Variants in LARGE1 observed in about 807,000 individuals in gnomAD.
LARGE1 encodes the protein xylosyl- and glucuronyltransferase LARGE1.
Under a neutral mutation model 87.6 loss-of-function variants are expected in LARGE1, and 43 were observed. The ratio of observed to expected loss-of-function variants is 0.49; its 90% CI spans 0.38 to 0.63. The LOEUF (loss-of-function observed/expected upper bound fraction) is 0.63, where lower values mean the gene tolerates loss of function less well. LARGE1 is among the 30% of genes least tolerant of loss of function. LARGE1 has a pLI of 0.00. For missense variants in LARGE1, 802 were observed against 1,000.2 expected, an observed-to-expected ratio of 0.80 and a Z score of 2.67; for synonymous variants, 434 against 394.6, an observed-to-expected ratio of 1.10 and a Z score of -1.18.
chr22:33,630,876 G>A (rs1360545832), intron 3 of LARGE1, among the ~76,000 whole-genome samples: 5 of 147,696 alleles, frequency 3.4e-5, no homozygotes, highest in African/African-American at 1.2e-4. Flanking sequence ...TTTTTGAGAC[G>A]GAGTCTCACT....
chr22:33,522,533 TA>T (rs367689982), intron 6 of LARGE1, among the ~76,000 whole-genome samples: 2,011 of 151,612 alleles, frequency 0.013, 49 homozygotes, highest in African/African-American at 0.047. Flanking sequence ...ACTTTGTCTC[TA>T]AAAAAAATAC....
intron 11 of LARGE1, among the ~76,000 whole-genome samples, chr22:33,180,394 T>A (rs1391185143): frequency 6.6e-6 from 1 of 152,150 alleles, no homozygotes; most frequent in Non-Finnish European, 1.5e-5. Context: ...CCCACAAGAA[T>A]GGTTATGATT....
chr22:33,637,863 T>G (rs1423568510), intron 3 of LARGE1, among the ~76,000 whole-genome samples: 1 of 152,202 alleles, frequency 6.6e-6, no homozygotes, highest in Admixed American at 6.5e-5. Context: ...TAATAAATGC[T>G]TGACATTTTA....
the LARGE1 span, among the ~76,000 whole-genome samples, chr22:33,146,249 G>A: frequency 2.6e-5 from 4 of 152,176 alleles, no homozygotes; most frequent in Admixed American, 2.6e-4. Flanking sequence ...AGAAGTGAGA[G>A]AATTTCTAAG....
chr22:33,542,133 G>A (rs2077229191), intron 6 of LARGE1, among the ~76,000 whole-genome samples: 1 of 129,188 alleles, frequency 7.7e-6, no homozygotes, highest in African/African-American at 3.0e-5. Flanking sequence ...CTGCACTCCA[G>A]CCTGAGCAAC....
At chr22:33,921,219 A>G (rs1195747210), upstream of LARGE1, among the ~76,000 whole-genome samples, 3 of 152,004 alleles carry the variant, frequency 2.0e-5, no homozygotes, top group Non-Finnish European at 4.4e-5. This position sits in a 1 kb window ranked among gnomAD's most constrained non-coding sequence, Gnocchi z 4.1. Context: ...GTGCTTCTTC[A>G]GCTCGCTGGC....
chr22:33,815,310 G>A (rs1270581405), intron 1 of LARGE1, among the ~76,000 whole-genome samples: 1 of 152,158 alleles, frequency 6.6e-6, no homozygotes, highest in African/African-American at 2.4e-5. Flanking sequence ...CTCACAGTCT[G>A]CACCCTTATC....
At chr22:33,568,440 A>G (rs570363838) in intron 5 of LARGE1, among the ~76,000 whole-genome samples, 1 of 152,324 alleles carries the variant, frequency 6.6e-6, no homozygotes, top group South Asian at 2.1e-4. Flanking sequence ...AGTTAACACA[A>G]GGGCAAATTA....
chr22:33,537,561 G>T lies in LARGE1; in HGVS notation c.787+27287C>A, dbSNP rs185030922. Reference sequence around the variant, plus strand: ...ATGTAAAGTCCCTTTTGCTATACAGGGTTTATTTGTTTATTTGTTTTTTTA... The same window carrying T: ...ATGTAAAGTCCCTTTTGCTATACAGTGTTTATTTGTTTATTTGTTTTTTTA... On this transcript the variant is annotated intron_variant, in intron 6 of 14. Coordinates refer to ENST00000397394, the MANE Select transcript of LARGE1 (RefSeq NM_133642.5). Among the ~76,000 whole-genome samples, 7 of 152,056 alleles carry T rather than the reference G, an allele frequency of 4.6e-5. No individual in the cohort carries two copies. The East Asian group carries it at 1.2e-3, about 25-fold the overall frequency.
At chr22:33,448,016 T>C (rs763057402) in intron 6 of LARGE1, among the ~76,000 whole-genome samples, 1 of 151,610 alleles carries the variant, frequency 6.6e-6, no homozygotes, top group South Asian at 2.1e-4. Context: ...TCAGTATATA[T>C]CACATTTCAC....
At chr22:33,821,602 C>T (rs977326067) in intron 1 of LARGE1, among the ~76,000 whole-genome samples, 7 of 152,116 alleles carry the variant, frequency 4.6e-5, no homozygotes, top group South Asian at 4.1e-4. Context: ...AAGAGCATGC[C>T]GAGAAGGGGA....
At chr22:33,506,236 A>C (rs779086772) in intron 6 of LARGE1, among the ~76,000 whole-genome samples, 4 of 152,166 alleles carry the variant, frequency 2.6e-5, no homozygotes, top group Admixed American at 6.5e-5. Flanking sequence ...AGAGAAAGAT[A>C]CATTCTTCTC....
At chr22:33,610,365 C>T (rs1039463424) in intron 4 of LARGE1, among the ~76,000 whole-genome samples, 2 of 152,174 alleles carry the variant, frequency 1.3e-5, no homozygotes, top group African/African-American at 4.8e-5. Flanking sequence ...GAATGAGGAA[C>T]TTATTGGGAA....
chr22:33,441,021 G>GA (rs925487585), intron 6 of LARGE1, among the ~76,000 whole-genome samples: 1 of 128,384 alleles, frequency 7.8e-6, no homozygotes, highest in Non-Finnish European at 1.7e-5. Context: ...TCCTTTTTTT[G>GA]TTTTTTTTTC....
intron 2 of LARGE1, among the ~76,000 whole-genome samples, chr22:33,679,785 T>G (rs2081696245): frequency 6.6e-6 from 1 of 152,116 alleles, no homozygotes; most frequent in Admixed American, 6.5e-5. Context: ...GAGGTTGCAG[T>G]GAGCCGAGAT....
intron 1 of LARGE1, among the ~76,000 whole-genome samples, chr22:33,886,587 G>A (rs1186336182): frequency 1.5e-5 from 2 of 136,530 alleles, no homozygotes; most frequent in African/African-American, 2.7e-5. Flanking sequence ...TGAGGCAGGA[G>A]AATTGCTTGA....
intron 6 of LARGE1, chr22:33,562,796 C>T (rs1439347973): frequency 6.6e-6 from 1 of 152,520 alleles, no homozygotes; most frequent in African/African-American, 2.4e-5. Flanking sequence ...TACAGCTCTA[C>T]AATCTCTGAT....
chr22:33,901,879 G>A (rs961969134), intron 1 of LARGE1, among the ~76,000 whole-genome samples: 13 of 152,058 alleles, frequency 8.5e-5, no homozygotes, highest in Non-Finnish European at 1.5e-4. Context: ...TTTGGGAAGC[G>A]GATTTTTGGG....
intron 1 of LARGE1, among the ~76,000 whole-genome samples, chr22:33,844,300 G>T (rs536813763): frequency 9.9e-5 from 15 of 152,136 alleles, no homozygotes; most frequent in Non-Finnish European, 1.8e-4. Flanking sequence ...AGCCCAGGAA[G>T]AGTCCCAATG....
Sources: allele counts gnomAD v4.1 joint callset (sites outside exome capture counted in the v4.1 genomes callset), GRCh38; gene constraint gnomAD v4.1.1; non-coding constraint Gnocchi (gnomAD v3.1); transcripts MANE v1.5; gene names NCBI Gene and HGNC (gene_info 2026-07-23, HGNC 2026-07-21).